The following FAM227A variants were observed in gnomAD, a reference collection of about 807,000 sequenced individuals.
FAM227A encodes family with sequence similarity 227 member A.
FAM227A carries 80 observed loss-of-function variants against 74.7 expected under a neutral mutation model. The ratio of observed to expected loss-of-function variants is 1.07; its 90% confidence interval spans 0.89 to 1.29. FAM227A has a LOEUF of 1.29. Ranked by LOEUF, FAM227A falls within the 50% of genes most tolerant of loss-of-function variation. The pLI is 0.00. For missense variants in FAM227A, 654 were observed against 683.4 expected (o/e 0.96, Z 0.48); for synonymous variants, 237 against 241.8 (o/e 0.98, Z 0.19).
intron 11 of FAM227A, among the ~76,000 whole-genome samples, chr22:38,609,734 C>G (rs1321122317): frequency 5.3e-5 from 8 of 151,984 alleles, no homozygotes; most frequent in Admixed American, 5.2e-4. Flanking sequence ...ACTCCCAGGG[C>G]TCAATGAAGC....
At chr22:38,586,311 A>T in intron 16 of FAM227A, 112 bp from the exon 17 acceptor site, 3 of 1,220,870 alleles carry the variant, frequency 2.5e-6, no homozygotes, top group Non-Finnish European at 3.4e-6. Flanking sequence ...GTGTGCATGG[A>T]ATATTGAGGG....
At chr22:38,635,267 GAGA>G (rs910087679) in intron 6 of FAM227A, among the ~76,000 whole-genome samples, 3 of 151,584 alleles carry the variant, frequency 2.0e-5, no homozygotes, top group South Asian at 4.2e-4. Context: ...AGGGCATGGG[GAGA>G]AGGAGAGGGA....
chr22:38,608,023 G>T (rs1011094740), intron 11 of FAM227A, among the ~76,000 whole-genome samples: 1 of 152,006 alleles, frequency 6.6e-6, no homozygotes, highest in African/African-American at 2.4e-5. Flanking sequence ...AAGCATCCCC[G>T]ATTTGTTATA....
chr22:38,644,614 G>A (rs561325749), intron 3 of FAM227A, among the ~76,000 whole-genome samples: 4 of 150,232 alleles, frequency 2.7e-5, no homozygotes, highest in African/African-American at 7.3e-5. Flanking sequence ...GAATCCTATT[G>A]TAAACTCTGA....
intron 1 of FAM227A, among the ~76,000 whole-genome samples, chr22:38,652,828 G>C (rs912177215): frequency 7.4e-6 from 1 of 135,574 alleles, no homozygotes; most frequent in African/African-American, 2.8e-5. Context: ...AGTGAGCCGA[G>C]ATCACACCAC....
At chr22:38,638,871 C>CACAGCTGTGCGGTGCTT (rs1283234188) in intron 4 of FAM227A, 49 bp from the exon 5 acceptor site, 2 of 1,238,854 alleles carry the variant, frequency 1.6e-6, no homozygotes, top group East Asian at 5.1e-5. Context: ...AGGGTCTGTC[C>CACAGCTGTGCGGTGCTT]ACAGCTGTGC....
intron 10 of FAM227A, among the ~76,000 whole-genome samples, chr22:38,622,482 T>C (rs958789833): frequency 3.9e-5 from 6 of 152,166 alleles, no homozygotes; most frequent in South Asian, 2.1e-4. Flanking sequence ...CTGAGTGAAA[T>C]AGAAAAGCTG....
intron 2 of FAM227A, among the ~76,000 whole-genome samples, chr22:38,647,135 C>G (rs1380356438): frequency 1.4e-5 from 2 of 142,348 alleles, no homozygotes; most frequent in Non-Finnish European, 3.0e-5. Context: ...TGCGATGGTG[C>G]GAGACTCCAT....
intron 3 of FAM227A, among the ~76,000 whole-genome samples, chr22:38,644,132 T>A (rs2092176503): frequency 8.4e-6 from 1 of 118,782 alleles, no homozygotes; most frequent in East Asian, 2.3e-4. Context: ...GACGAGAGTG[T>A]GAGACTCCAT....
chr22:38,607,342 ATAAC>A (rs1336276683), intron 12 of FAM227A, 43 bp downstream of exon 12: 3 of 1,413,672 alleles, frequency 2.1e-6, no homozygotes, highest in East Asian at 2.5e-5. Context: ...TTTGGAGACA[ATAAC>A]TAAGCCAAAA....
intron 2 of FAM227A, 160 bp downstream of exon 2, chr22:38,649,867 C>CA (rs371522780): frequency 0.038 from 19,605 of 521,176 alleles, no homozygotes; most frequent in Middle Eastern, 0.053. Context: ...AACTCCATCT[C>CA]AAAAAAAAAA....
In FAM227A at chr22:38,650,123, G is replaced by A. The variant is rs1253036470; in HGVS notation, c.46C>T (p.Pro16Ser). 15 of 1,551,704 alleles carry A rather than the reference G, an allele frequency of 9.7e-6. No homozygotes were observed. The highest frequency in any genetic ancestry group is 1.7e-6 in the Non-Finnish European group (2 of 1,147,006). Reference sequence around the variant, plus strand: ...AGGTGCTCATCCACTGGTATCATAGGTAGGGTGGTGAGGTTGATGACCTCC... The same window carrying A: ...AGGTGCTCATCCACTGGTATCATAGATAGGGTGGTGAGGTTGATGACCTCC... ...KMEVINLTTL[P>S]MIPVDEHLAV... Residue 16 changes from proline (P) to serine (S), a missense_variant, in exon 2 of 17, where the codon CCT becomes TCT. Pro to Ser is a moderately conservative substitution (Grantham distance 74). Coordinates refer to ENST00000535113, the MANE Select transcript of FAM227A (RefSeq NM_001013647.2).
chr22:38,638,757 CAG>C lies in FAM227A; in HGVS notation c.359_360del (p.Ser120CysfsTer9). The C allele has an allele frequency of 6.5e-7, 1 of 1,549,750 alleles. No homozygotes were observed. On this transcript the variant is annotated frameshift_variant, in exon 5 of 17. Transcript: ENST00000535113. LOFTEE classifies it high-confidence loss of function. Reference protein sequence around the residue: ...KGSELRHARSSVIKRKTADKN... With the variant: ...KGSELRHARSXVIKRKTADKN... Reference sequence around the variant, plus strand: ...AGTAGATCCCTTACCCTTTTTATAACAGAAGATCTGGCATGTCTGAGTTCGGA... The same window carrying C: ...AGTAGATCCCTTACCCTTTTTATAACAAGATCTGGCATGTCTGAGTTCGGA...
Position 38,650,215 on chromosome 22 carries a change from G to A in FAM227A, c.-47C>T, listed in dbSNP as rs1273278822. The A allele has an allele frequency of 1.1e-5, 17 of 1,538,004 alleles. No individual in the cohort carries two copies. Among genetic ancestry groups the A allele is most frequent in the Non-Finnish European group, 1.2e-5 (14 of 1,136,582 alleles). On this transcript the variant is annotated 5_prime_UTR_variant, in exon 2 of 17. Transcript: ENST00000535113. ...ACAAACAAAAAGCTTCCACTTTTAA[G>A]AGCCTCTCATTTCCCACTCCAATCT...
chr22:38,592,732 G>GT (rs2090964782), intron 15 of FAM227A, among the ~76,000 whole-genome samples: 1 of 152,172 alleles, frequency 6.6e-6, no homozygotes, highest in Non-Finnish European at 1.5e-5. Flanking sequence ...AAAAGAAATT[G>GT]TAATAAATTT....
At chr22:38,629,993 A>G (rs1283762302) in intron 6 of FAM227A, among the ~76,000 whole-genome samples, 2 of 133,846 alleles carry the variant, frequency 1.5e-5, no homozygotes, top group African/African-American at 5.8e-5. Flanking sequence ...TTTAACCATC[A>G]CTCACACACA....
chr22:38,608,278 T>A (rs1021918531), intron 11 of FAM227A, among the ~76,000 whole-genome samples: 2 of 151,892 alleles, frequency 1.3e-5, no homozygotes, highest in Non-Finnish European at 2.9e-5. Flanking sequence ...CAGTGAGCCA[T>A]GACTGTGCTG....
At chr22:38,624,903 G>C (rs1163734105) in intron 9 of FAM227A, among the ~76,000 whole-genome samples, 3 of 152,172 alleles carry the variant, frequency 2.0e-5, no homozygotes, top group Non-Finnish European at 4.4e-5. Flanking sequence ...CTTAAACGCA[G>C]AGACCTATGA....
At position 38,614,058 on chromosome 22, in the gene FAM227A, G is replaced by A. The variant is rs541474801; in HGVS notation, c.1038+6154C>T. On this transcript the variant is annotated intron_variant, in intron 11 of 16. Coordinates refer to ENST00000535113, the MANE Select transcript of FAM227A (RefSeq NM_001013647.2). ...TTTTTGTGTTTGTAGTAGAGACAGG[G>A]TTTCACCATGTTGGCCAGGTTAAGA... Among the ~76,000 whole-genome samples, 20 of 152,228 alleles carry A rather than the reference G, an allele frequency of 1.3e-4. No homozygotes were observed. The South Asian group carries it at 4.1e-3, about 32-fold the overall frequency.
Sources: allele counts gnomAD v4.1 joint callset (sites outside exome capture counted in the v4.1 genomes callset), GRCh38; gene constraint gnomAD v4.1.1; transcripts MANE v1.5; gene names NCBI Gene and HGNC (gene_info 2026-07-23, HGNC 2026-07-21).